Variants in PDIA6 observed in about 807,000 individuals in gnomAD.
The protein encoded by PDIA6 is protein disulfide-isomerase A6.
Under a neutral mutation model 58.4 loss-of-function variants are expected in PDIA6, and 29 were observed. The observed-to-expected ratio is 0.50, with a 90% CI of 0.37 to 0.68. The LOEUF (loss-of-function observed/expected upper bound fraction) is 0.68. PDIA6 is among the 30% of genes least tolerant of loss of function. The pLI, the probability that PDIA6 is intolerant of heterozygous loss-of-function variation, is 0.00. For missense variants in PDIA6, 480 were observed against 551.0 expected, an observed-to-expected ratio of 0.87 and a Z score of 1.29; for synonymous variants, 192 against 202.6, an observed-to-expected ratio of 0.95 and a Z score of 0.44.
intron 2 of PDIA6, 47 bp from the exon 3 acceptor site, chr2:10,797,804 T>G: frequency 1.3e-6 from 2 of 1,495,130 alleles, no homozygotes; most frequent in Non-Finnish European, 1.8e-6. Flanking sequence ...CCTTTGATTC[T>G]CAATTCAAAA....
intron 7 of PDIA6, 81 bp from the exon 8 acceptor site, chr2:10,789,970 CT>C: frequency 7.8e-7 from 1 of 1,277,860 alleles, no homozygotes; most frequent in Non-Finnish European, 1.1e-6. Context: ...CTAAAACCAC[CT>C]TATAGGTAAT....
chr2:10,794,352 A>G (rs1189420516), intron 4 of PDIA6, among the ~76,000 whole-genome samples: 1 of 151,642 alleles, frequency 6.6e-6, no homozygotes, highest in Admixed American at 6.6e-5. Context: ...AGGCTGAGGC[A>G]GGAGAATCAC....
upstream of PDIA6, among the ~76,000 whole-genome samples, chr2:10,813,849 C>G (rs1417287668): frequency 6.8e-6 from 1 of 147,900 alleles, no homozygotes; most frequent in Non-Finnish European, 1.5e-5. Flanking sequence ...CTCAGCTTCC[C>G]GAGAAGCTGG....
chr2:10,796,500 TA>T (rs79164237), intron 4 of PDIA6, among the ~76,000 whole-genome samples: 15,915 of 132,240 alleles, frequency 0.12, 928 homozygotes, highest in South Asian at 0.16. Flanking sequence ...CTCTGTCTCT[TA>T]AAAAAAAAAA....
At chr2:10,812,107 G>A (rs1169346771) in intron 1 of PDIA6, among the ~76,000 whole-genome samples, 7 of 151,962 alleles carry the variant, frequency 4.6e-5, no homozygotes, top group South Asian at 2.1e-4. Context: ...ACGGGGTTTC[G>A]CCATGTTGGT....
chr2:10,835,628 C>T (rs988492557), upstream of PDIA6, among the ~76,000 whole-genome samples: 1 of 152,142 alleles, frequency 6.6e-6, no homozygotes, highest in Admixed American at 6.5e-5. Context: ...ACATCTCCGA[C>T]CCACGAGGAA....
chr2:10,832,258 A>C, exon 1 of PDIA6: 5 of 216,932 alleles, frequency 2.3e-5, no homozygotes, highest in Middle Eastern at 2.5e-3. Context: ...CAACAGCAGA[A>C]CTGGCCAGAT....
At chr2:10,837,709 G>A (rs922518684) in exon 1 of PDIA6, 3 of 1,489,992 alleles carry the variant, frequency 2.0e-6, no homozygotes, top group Admixed American at 2.3e-5. Context: ...TGGTGTGCAA[G>A]TTCATGCCAC....
chr2:10,785,994 G>A (rs1055795317), intron 11 of PDIA6, among the ~76,000 whole-genome samples: 17 of 152,220 alleles, frequency 1.1e-4, no homozygotes, highest in East Asian at 5.8e-4. Flanking sequence ...AATTACAGGC[G>A]TGAGCCACCG....
intron 1 of PDIA6, among the ~76,000 whole-genome samples, chr2:10,806,297 G>A (rs1440159419): frequency 8.6e-5 from 13 of 150,674 alleles, no homozygotes; most frequent in Non-Finnish European, 1.6e-4. Flanking sequence ...AGCCCAGGGA[G>A]GTCGAGGCTA....
At chr2:10,835,230 C>T (rs1667806780), upstream of PDIA6, among the ~76,000 whole-genome samples, 1 of 152,172 alleles carries the variant, frequency 6.6e-6, no homozygotes, top group African/African-American at 2.4e-5. Context: ...AAGCCATCTG[C>T]AGGAAGTGCT....
chr2:10,817,175 G>A (rs1667223020), upstream of PDIA6, among the ~76,000 whole-genome samples: 1 of 152,184 alleles, frequency 6.6e-6, no homozygotes, highest in Admixed American at 6.5e-5. Context: ...TGAAAGTGAT[G>A]TTATTAAAAG....
chr2:10,820,493 CA>C (rs1667351349), intron 1 of PDIA6, among the ~76,000 whole-genome samples: 1 of 152,186 alleles, frequency 6.6e-6, no homozygotes. Context: ...GTCCAGCCCC[CA>C]GGTAGCCTCG....
upstream of PDIA6, among the ~76,000 whole-genome samples, chr2:10,834,302 C>T (rs1667776147): frequency 6.6e-6 from 1 of 152,272 alleles, no homozygotes; most frequent in Non-Finnish European, 1.5e-5. Flanking sequence ...GCCACGGATG[C>T]TGCCTGCAGC....
intron 1 of PDIA6, among the ~76,000 whole-genome samples, chr2:10,802,874 C>T (rs7595917): frequency 0.082 from 12,509 of 152,228 alleles, 1,746 homozygotes; most frequent in African/African-American, 0.29. Flanking sequence ...TTGGGCTGCA[C>T]TGGAAAAAGG....
intron 1 of PDIA6, among the ~76,000 whole-genome samples, chr2:10,809,658 A>AAC (rs1666918080): frequency 6.7e-6 from 1 of 150,042 alleles, no homozygotes; most frequent in East Asian, 1.9e-4. Flanking sequence ...AAAAAAAAAA[A>AAC]AAAAAAAAAA....
intron 4 of PDIA6, 88 bp downstream of exon 4, chr2:10,796,993 C>T: frequency 9.0e-7 from 1 of 1,109,302 alleles, no homozygotes; most frequent in Non-Finnish European, 1.4e-6. Flanking sequence ...GGTTGAGAAC[C>T]TTGCAGGTAG....
At chr2:10,805,914 G>T (rs1666710071) in intron 1 of PDIA6, among the ~76,000 whole-genome samples, 1 of 54,624 alleles carries the variant, frequency 1.8e-5, no homozygotes. Context: ...CTGTTGTGGG[G>T]TGGGGGGAGG....
chr2:10,787,639 C>T (rs542388503), intron 10 of PDIA6, among the ~76,000 whole-genome samples, 200 bp from the exon 11 acceptor site: 22 of 152,294 alleles, frequency 1.4e-4, no homozygotes, highest in African/African-American at 5.1e-4. Flanking sequence ...AGCATGTTCT[C>T]GCGTTCTGTA....
Sources: allele counts gnomAD v4.1 joint callset (sites outside exome capture counted in the v4.1 genomes callset), GRCh38; gene constraint gnomAD v4.1.1; transcripts MANE v1.5; gene names NCBI Gene and HGNC (gene_info 2026-07-23, HGNC 2026-07-21).